The following SEC24D variants were observed in gnomAD, a reference collection of about 807,000 sequenced individuals.
SEC24D encodes the protein protein transport protein Sec24D.
Under a neutral mutation model 116.9 loss-of-function variants are expected in SEC24D, and 69 were observed. The observed-to-expected ratio is 0.59, with a 90% CI of 0.49 to 0.72. The LOEUF (loss-of-function observed/expected upper bound fraction) is 0.72. Among genes scored for constraint, SEC24D ranks in the 30% least tolerant of loss-of-function variants. The pLI is 0.00. For synonymous variants in SEC24D, 405 were observed against 442.8 expected, an observed-to-expected ratio of 0.91 and a Z score of 1.07; for missense variants, 1,131 against 1,264.1, an observed-to-expected ratio of 0.89 and a Z score of 1.60.
chr4:118,828,097 G>T (rs114684527), intron 2 of SEC24D, among the ~76,000 whole-genome samples: 6,633 of 151,754 alleles, frequency 0.044, 203 homozygotes, highest in Non-Finnish European at 0.064. Context: ...CCTGTTCTAG[G>T]TTCAGGACAT....
In SEC24D at chr4:118,724,824, A is replaced by G. The variant is rs537660216; in HGVS notation, c.2959-1169T>C. Among the ~76,000 whole-genome samples, 3 of 152,302 alleles carry G rather than the reference A, an allele frequency of 2.0e-5. No homozygotes were observed. In the South Asian group the frequency reaches 6.2e-4, roughly 32 times the overall value. On this transcript the variant is annotated intron_variant, in intron 22 of 22. Coordinates refer to ENST00000280551, the MANE Select transcript of SEC24D (RefSeq NM_014822.4). ...TTAACTGAGCCACACATGCACAACA[A>G]TGCCTCTCCACCTGCCTCCTGTGTA...
Position 118,740,652 on chromosome 4 carries a change from C to T in SEC24D, c.2238+11G>A, listed in dbSNP as rs748498668. 6.2e-7 allele frequency: 1 copy of T among 1,613,176 alleles called. No individual in the cohort carries two copies. The highest frequency in any genetic ancestry group is 1.3e-5 in the African/African-American group (1 of 75,002). Reference sequence around the variant, plus strand: ...TAAAATAACGAAAGGTGGGAATACACTTTCAATCACCTGGATTAAGGCTCC... The same window carrying T: ...TAAAATAACGAAAGGTGGGAATACATTTTCAATCACCTGGATTAAGGCTCC... On this transcript the variant is annotated intron_variant, in intron 17 of 22. Transcript: ENST00000280551.
intron 18 of SEC24D, 134 bp from the exon 19 acceptor site, chr4:118,738,513 A>C: frequency 2.9e-6 from 2 of 683,032 alleles, no homozygotes; most frequent in Non-Finnish European, 2.6e-6. Flanking sequence ...AAATCTGTTC[A>C]AGTCATTTGC....
intron 6 of SEC24D, among the ~76,000 whole-genome samples, chr4:118,810,195 A>T (rs1303297441): frequency 6.7e-6 from 1 of 149,190 alleles, no homozygotes; most frequent in Non-Finnish European, 1.5e-5. Flanking sequence ...AGACTATTGT[A>T]AGAACTTTGG....
At chr4:118,739,398 C>T (rs368571194) in intron 17 of SEC24D, 111 bp from the exon 18 acceptor site, 2 of 957,110 alleles carry the variant, frequency 2.1e-6, no homozygotes. Flanking sequence ...TAAAAGACCT[C>T]TAACTATTTT....
At chr4:118,789,833 C>A (rs1728818882) in intron 8 of SEC24D, among the ~76,000 whole-genome samples, 1 of 152,198 alleles carries the variant, frequency 6.6e-6, no homozygotes, top group South Asian at 2.1e-4. Context: ...ATCCACCCAC[C>A]TTGGCCTCCC....
chr4:118,834,245 C>T (rs1730997651), intron 1 of SEC24D, among the ~76,000 whole-genome samples: 1 of 152,204 alleles, frequency 6.6e-6, no homozygotes, highest in Non-Finnish European at 1.5e-5. Context: ...ACAAACATAG[C>T]AACAGACAAC....
At chr4:118,834,584 AT>A (rs1731011591) in intron 1 of SEC24D, among the ~76,000 whole-genome samples, 3 of 150,086 alleles carry the variant, frequency 2.0e-5, no homozygotes, top group African/African-American at 7.4e-5. Context: ...AGGACTGATG[AT>A]TTAAAAAAAA....
At chr4:118,831,964 A>G (rs1293568466) in intron 2 of SEC24D, among the ~76,000 whole-genome samples, 1 of 152,160 alleles carries the variant, frequency 6.6e-6, no homozygotes, top group African/African-American at 2.4e-5. Context: ...GCACCTTGGG[A>G]GGTGGAGGCG....
At chr4:118,795,352 G>A (rs1013827181) in intron 8 of SEC24D, among the ~76,000 whole-genome samples, 2 of 149,112 alleles carry the variant, frequency 1.3e-5, no homozygotes, top group Non-Finnish European at 1.5e-5. Flanking sequence ...GGGACTACAG[G>A]CACACACCAC....
chr4:118,796,346 A>G (rs1347039570), intron 8 of SEC24D, among the ~76,000 whole-genome samples: 1 of 152,182 alleles, frequency 6.6e-6, no homozygotes, highest in African/African-American at 2.4e-5. Context: ...GTGTTTATAA[A>G]TATTATATTA....
chr4:118,722,845 T>C lies in SEC24D; in HGVS notation c.*670A>G, dbSNP rs186928596. The C allele has an allele frequency of 3.3e-5, 5 of 152,748 alleles. No individual in the cohort carries two copies. The East Asian group carries it at 9.6e-4, about 29-fold the overall frequency. The allele number at this position is 152,748 out of a possible 1,614,324, so 9.5% of individuals were successfully genotyped here. A position where few individuals can be genotyped will look rare whatever the true frequency, so the allele number is the denominator to read the frequency against. On this transcript the variant is annotated 3_prime_UTR_variant, in exon 23 of 23. Coordinates refer to ENST00000280551, the MANE Select transcript of SEC24D (RefSeq NM_014822.4). Reference sequence around the variant, plus strand: ...TACTAAGATTATACGAAGTGATTTATTGATACTGGTTAACATCCATTATAT... The same window carrying C: ...TACTAAGATTATACGAAGTGATTTACTGATACTGGTTAACATCCATTATAT...
chr4:118,743,857 G>C, intron 15 of SEC24D, 131 bp downstream of exon 15: 1 of 812,814 alleles, frequency 1.2e-6, no homozygotes, highest in Non-Finnish European at 1.9e-6. Flanking sequence ...GGTATACTTT[G>C]TTTTCCATCT....
intron 6 of SEC24D, 32 bp downstream of exon 6, chr4:118,814,996 A>T: frequency 6.2e-7 from 1 of 1,608,084 alleles, no homozygotes; most frequent in Non-Finnish European, 8.5e-7. Flanking sequence ...CTCCTTTGTG[A>T]GTGAGACTGT....
At position 118,731,411 on chromosome 4, in the gene SEC24D, G is replaced by A. The variant is rs747635164; in HGVS notation, c.2773C>T (p.Leu925=). 1.2e-6 allele frequency: 2 copies of A among 1,613,984 alleles called. No individual in the cohort carries two copies. The highest frequency in any genetic ancestry group is 2.2e-5 in the South Asian group (2 of 91,084). ...ACTCCCAACCACAGGAACATGTGTA[G>A]ACCATTAGCCAGTAAGAATATTCCT... ...EEGIFLLANG[L]HMFLWLGVSS... is the part of the protein sequence containing the mutation. The change falls in exon 21 of 23, where the codon CTA becomes TTA. Residue 925 remains leucine, a synonymous_variant. Transcript: ENST00000280551.
chr4:118,808,576 C>G (rs1729770722), intron 6 of SEC24D, among the ~76,000 whole-genome samples: 1 of 152,148 alleles, frequency 6.6e-6, no homozygotes, highest in African/African-American at 2.4e-5. Context: ...CTAAAAAATA[C>G]TATACCTTTT....
At chr4:118,814,213 G>A (rs952371298) in intron 6 of SEC24D, among the ~76,000 whole-genome samples, 5 of 152,304 alleles carry the variant, frequency 3.3e-5, no homozygotes, top group African/African-American at 1.2e-4. Flanking sequence ...TTTGTTTTAT[G>A]ACTTGCTTCA....
At chr4:118,763,569 G>T (rs969037655) in intron 10 of SEC24D, among the ~76,000 whole-genome samples, 1 of 152,176 alleles carries the variant, frequency 6.6e-6, no homozygotes, top group African/African-American at 2.4e-5. Flanking sequence ...TACACATGGT[G>T]CTTCAGATAT....
intron 6 of SEC24D, among the ~76,000 whole-genome samples, chr4:118,807,012 C>T (rs115214765): frequency 0.044 from 6,652 of 152,194 alleles, 200 homozygotes; most frequent in Non-Finnish European, 0.064. Context: ...AGGAAATACT[C>T]TTTCAAATAA....
Sources: gnomAD v4.1 joint callset for allele counts (sites outside exome capture counted in the v4.1 genomes callset) on GRCh38, gnomAD v4.1.1 for gene constraint, MANE v1.5 for transcripts, NCBI Gene and HGNC (gene_info 2026-07-23, HGNC 2026-07-21) for gene names.